ADAMTS5: variants seen among roughly 807,000 people sequenced by gnomAD.
The protein encoded by ADAMTS5 is A disintegrin and metalloproteinase with thrombospondin motifs 5.
A neutral mutation model predicts 81.4 loss-of-function variants in ADAMTS5; 54 were observed. The observed-to-expected ratio is 0.66, with a 90% CI of 0.53 to 0.83. The LOEUF is 0.83. Ranked by LOEUF, ADAMTS5 falls within the 40% of genes least tolerant of loss-of-function variation. The pLI is 0.00. For synonymous variants in ADAMTS5, 532 were observed against 508.8 expected (o/e 1.05, Z -0.61); for missense variants, 1,194 against 1,229.9 (o/e 0.97, Z 0.44).
intron 3 of ADAMTS5, 88 bp downstream of exon 3, chr21:26,943,292 G>T: frequency 7.8e-7 from 1 of 1,276,588 alleles, no homozygotes; most frequent in Non-Finnish European, 1.1e-6. Context: ...TAGAGGGCAA[G>T]ATGAATATTA....
chr21:26,935,906 T>TAC (rs1268645326), intron 3 of ADAMTS5, among the ~76,000 whole-genome samples: 1 of 152,220 alleles, frequency 6.6e-6, no homozygotes, highest in Non-Finnish European at 1.5e-5. Flanking sequence ...AAATATTTGT[T>TAC]ACACACACTA....
chr21:26,950,324 C>CT (rs1452893990), intron 2 of ADAMTS5, among the ~76,000 whole-genome samples: 1 of 151,484 alleles, frequency 6.6e-6, no homozygotes, highest in African/African-American at 2.4e-5. Flanking sequence ...CAGGTGAAAT[C>CT]TTTATTATTA....
chr21:26,931,414 A>G (rs866369502), intron 6 of ADAMTS5, among the ~76,000 whole-genome samples: 3 of 152,226 alleles, frequency 2.0e-5, no homozygotes, highest in Admixed American at 6.5e-5. Context: ...CCATAAGAAT[A>G]AAACTCTGCT....
Position 26,966,636 on chromosome 21 carries a change from G to GGT in ADAMTS5, c.-246_-245insAC, listed in dbSNP as rs1987686296. 3.9e-5 allele frequency: 3 copies of GGT among 77,042 alleles called. No homozygotes were observed. The highest frequency in any genetic ancestry group is 2.0e-4 in the African/African-American group (3 of 15,356). 4.8% of individuals were successfully genotyped at this position (77,042 alleles called of 1,614,324 possible). ...CGTGCTCCAGAAAGAGGTGGGGTGGGGGGGGGGGGAAAGAAAAGATTAAAA... is the reference window on the plus strand; with the variant it reads ...CGTGCTCCAGAAAGAGGTGGGGTGGGGTGGGGGGGGGAAAGAAAAGATTAAAA... On this transcript the variant is annotated 5_prime_UTR_variant, in exon 1 of 8. Transcript: ENST00000284987.
In ADAMTS5 at chr21:26,966,271, C is replaced by A. The variant is rs758868375; in HGVS notation, c.121G>T (p.Ala41Ser). The A allele has an allele frequency of 1.2e-5, 19 of 1,572,836 alleles. No homozygotes were observed. The East Asian group carries it at 2.3e-4, about 19-fold the overall frequency. ...AGQPPTAAAAAQPRRRQGEEV... is the reference protein window; with the variant it reads ...AGQPPTAAAASQPRRRQGEEV... ...TCCCCCTGCCGCCGGCGGGGCTGGG[C>A]GGCTGCTGCAGCAGTCGGAGGCTGC... Residue 41 changes from alanine (A) to serine (S), a missense_variant, in exon 1 of 8, where the codon GCC (alanine) becomes TCC (serine). Transcript: ENST00000284987.
chr21:26,946,136 G>A (rs1043265904), intron 2 of ADAMTS5, among the ~76,000 whole-genome samples: 2 of 152,142 alleles, frequency 1.3e-5, no homozygotes, highest in African/African-American at 4.8e-5. Context: ...CGAGAGAACC[G>A]CGTGACTTCC....
intron 3 of ADAMTS5, 102 bp downstream of exon 3, chr21:26,943,278 G>T (rs575139865): frequency 4.2e-6 from 5 of 1,179,494 alleles, no homozygotes; most frequent in East Asian, 2.5e-5. Context: ...CACAACTATT[G>T]TCTTAGAGGG....
chr21:26,923,572 C>A lies in ADAMTS5; in HGVS notation c.*481G>T, dbSNP rs1986741460. The A allele has an allele frequency of 6.5e-6, 1 of 153,020 alleles. No homozygotes were observed. Among genetic ancestry groups the A allele is most frequent in the South Asian group, 2.1e-4 (1 of 4,842 alleles). The allele number at this position is 153,020 out of a possible 1,614,324, so 9.5% of individuals were successfully genotyped here. On this transcript the variant is annotated 3_prime_UTR_variant, in exon 8 of 8. Coordinates refer to ENST00000284987, the MANE Select transcript of ADAMTS5 (RefSeq NM_007038.5). ...GAAGGAAGTTGAAATAGCTGCAGAC[C>A]TACTTTGGTCAAACACTTTTTTTAT... is the stretch of plus-strand genomic sequence containing the variant.
chr21:26,933,752 GGAATCTGT>G (rs1163784836), intron 4 of ADAMTS5, among the ~76,000 whole-genome samples: 1 of 152,188 alleles, frequency 6.6e-6, no homozygotes, highest in African/African-American at 2.4e-5. Flanking sequence ...CTTTGCTGAG[GGAATCTGT>G]GAATTGCCTC....
intron 1 of ADAMTS5, among the ~76,000 whole-genome samples, chr21:26,955,467 C>A (rs1987406965): frequency 6.6e-6 from 1 of 152,094 alleles, no homozygotes. Context: ...CTCAACCTGA[C>A]CAATCTGCAG....
intron 7 of ADAMTS5, 106 bp downstream of exon 7, chr21:26,929,780 C>T: frequency 1.7e-6 from 2 of 1,162,254 alleles, no homozygotes; most frequent in South Asian, 1.7e-5. Context: ...CGTTAGACCT[C>T]CTCATACAGA....
chr21:26,942,475 A>G (rs1987133376), intron 3 of ADAMTS5, among the ~76,000 whole-genome samples: 1 of 152,198 alleles, frequency 6.6e-6, no homozygotes, highest in Non-Finnish European at 1.5e-5. Flanking sequence ...AAGAGAACAT[A>G]AAATAAATGA....
At chr21:26,939,465 G>A (rs1405547237) in intron 3 of ADAMTS5, among the ~76,000 whole-genome samples, 1 of 152,192 alleles carries the variant, frequency 6.6e-6, no homozygotes, top group African/African-American at 2.4e-5. Context: ...CTGATGTTAA[G>A]CTCTCCTGGC....
Position 26,965,651 on chromosome 21 carries a change from A to C in ADAMTS5, c.741T>G (p.Ala247=), listed in dbSNP as rs778669912. ...ACCACGTCTGCGGTCCTGAGCCCCC[A>C]GCGGGCGAGAGAGCGGACTGGTCCA... is the stretch of plus-strand genomic sequence containing the variant. ...QLLDQSALSP[A]GGSGPQTWWR... Residue 247 remains alanine, a synonymous_variant, in exon 1 of 8, where the codon GCT becomes GCG. Transcript: ENST00000284987. The C allele has an allele frequency of 6.3e-7, 1 of 1,593,718 alleles. No homozygotes were observed. Among genetic ancestry groups the C allele is most frequent in the Admixed American group, 1.7e-5 (1 of 58,162 alleles).
rs114837916 is a variant in ADAMTS5 at position 26,934,024 on chromosome 21, A to G, written c.1689+442T>C. Among the ~76,000 whole-genome samples the G allele has an allele frequency of 5.8e-3, 881 of 152,320 alleles. 6 individuals carry two copies. The highest frequency in any genetic ancestry group is 0.02 in the African/African-American group (841 of 41,554). ...TTAGCTCCTAAATTTAGATTAACTTATTGTCAAGGGGAAAAAAGTGACCAT... is the reference window on the plus strand; with the variant it reads ...TTAGCTCCTAAATTTAGATTAACTTGTTGTCAAGGGGAAAAAAGTGACCAT... On this transcript the variant is annotated intron_variant, in intron 4 of 7. Coordinates refer to ENST00000284987, the MANE Select transcript of ADAMTS5 (RefSeq NM_007038.5).
At chr21:26,954,436 A>G (rs1414644888) in intron 2 of ADAMTS5, among the ~76,000 whole-genome samples, 1 of 152,204 alleles carries the variant, frequency 6.6e-6, no homozygotes, top group African/African-American at 2.4e-5. Flanking sequence ...GTTGCCTGTG[A>G]CAAATTTCAT....
At chr21:26,933,099 T>C in intron 4 of ADAMTS5, 55 bp from the exon 5 acceptor site, 1 of 1,529,856 alleles carries the variant, frequency 6.5e-7, no homozygotes, top group Admixed American at 2.3e-5. Flanking sequence ...ACATTGAAAG[T>C]GTGCATTTGG....
In ADAMTS5 at chr21:26,932,986, CATGAGCG is replaced by C; in HGVS notation, c.1741_1747del (p.Arg581ValfsTer85). 6 of 1,613,986 alleles carry C rather than the reference CATGAGCG, an allele frequency of 3.7e-6. No individual in the cohort carries two copies. The highest frequency in any genetic ancestry group is 4.2e-6 in the Non-Finnish European group (5 of 1,179,988). Reference sequence around the variant, plus strand: ...ATAGGCAAACTGCACTCCTCCTCCACATGAGCGAGAACACTGGCCCCAGGATCCCCAA... The same window carrying C: ...ATAGGCAAACTGCACTCCTCCTCCACAGAACACTGGCCCCAGGATCCCCAA... On this transcript the variant is annotated frameshift_variant, in exon 5 of 8. Coordinates refer to ENST00000284987, the MANE Select transcript of ADAMTS5 (RefSeq NM_007038.5). LOFTEE classifies it high-confidence loss of function.
chr21:26,924,991 T>G (rs988689374), intron 7 of ADAMTS5, among the ~76,000 whole-genome samples: 1 of 152,220 alleles, frequency 6.6e-6, no homozygotes, highest in South Asian at 2.1e-4. Flanking sequence ...GGGATCTGTT[T>G]AAACACAAAC....
Sources: gnomAD v4.1 joint callset for allele counts (sites outside exome capture counted in the v4.1 genomes callset) on GRCh38, gnomAD v4.1.1 for gene constraint, MANE v1.5 for transcripts, NCBI Gene and HGNC (gene_info 2026-07-23, HGNC 2026-07-21) for gene names.